The following LRGUK variants were observed in gnomAD, a reference collection of about 807,000 sequenced individuals.
LRGUK encodes the protein leucine-rich repeat and guanylate kinase domain-containing protein.
Under a neutral mutation model 76.0 loss-of-function variants are expected in LRGUK, and 65 were observed. The observed-to-expected ratio is 0.85, with a 90% CI of 0.70 to 1.05. The LOEUF (loss-of-function observed/expected upper bound fraction) is 1.05, where lower values mean the gene tolerates loss of function less well. Ranked by LOEUF, LRGUK falls within the 50% of genes least tolerant of loss-of-function variation. LRGUK has a pLI of 0.00. For missense variants in LRGUK, 758 were observed against 732.8 expected, an observed-to-expected ratio of 1.03 and a Z score of -0.40; for synonymous variants, 268 against 265.6, an observed-to-expected ratio of 1.01 and a Z score of -0.09.
intron 18 of LRGUK, among the ~76,000 whole-genome samples, chr7:134,249,916 G>A (rs1802403924): frequency 6.6e-6 from 1 of 152,132 alleles, no homozygotes; most frequent in African/African-American, 2.4e-5. Context: ...ATCTACTACG[G>A]GGTGCCTCTC....
chr7:134,153,222 T>C (rs976815882), intron 5 of LRGUK, among the ~76,000 whole-genome samples: 6 of 152,058 alleles, frequency 3.9e-5, no homozygotes, highest in African/African-American at 7.2e-5. Context: ...ATTAAAAAAA[T>C]CAGTTGAGCT....
At chr7:134,145,967 C>A (rs2116858525) in intron 4 of LRGUK, among the ~76,000 whole-genome samples, 1 of 152,252 alleles carries the variant, frequency 6.6e-6, no homozygotes, top group Non-Finnish European at 1.5e-5. Flanking sequence ...GGCACAAACC[C>A]CTTTAAGGTC....
intron 16 of LRGUK, among the ~76,000 whole-genome samples, chr7:134,223,665 C>T (rs1260346599): frequency 1.3e-5 from 2 of 152,168 alleles, no homozygotes; most frequent in Admixed American, 1.3e-4. Flanking sequence ...GGGCCTCTAG[C>T]CTCATAACCA....
At chr7:134,244,031 C>T (rs1802231919) in intron 16 of LRGUK, among the ~76,000 whole-genome samples, 3 of 152,120 alleles carry the variant, frequency 2.0e-5, no homozygotes, top group Non-Finnish European at 4.4e-5. Flanking sequence ...CTCTTCCTTA[C>T]ACCTTATACA....
downstream of LRGUK, among the ~76,000 whole-genome samples, chr7:134,213,130 G>A (rs1366905991): frequency 1.3e-5 from 2 of 152,202 alleles, no homozygotes; most frequent in African/African-American, 4.8e-5. Context: ...ATCTTCTAAG[G>A]ACCCGAATGC....
At chr7:134,136,323 C>T (rs1229592108) in intron 1 of LRGUK, among the ~76,000 whole-genome samples, 3 of 152,164 alleles carry the variant, frequency 2.0e-5, no homozygotes, top group Non-Finnish European at 4.4e-5. Flanking sequence ...ATGATCATCA[C>T]CTTTTTAAAA....
chr7:134,230,004 C>T (rs941026358), intron 16 of LRGUK, among the ~76,000 whole-genome samples: 1 of 151,878 alleles, frequency 6.6e-6, no homozygotes, highest in African/African-American at 2.4e-5. Flanking sequence ...ACACAAAAAG[C>T]ATTCATTATG....
intron 16 of LRGUK, among the ~76,000 whole-genome samples, chr7:134,234,727 C>T (rs1388039667): frequency 1.3e-5 from 2 of 152,024 alleles, no homozygotes; most frequent in African/African-American, 4.8e-5. Context: ...TCTGAGGGCT[C>T]AGTTCTTTGT....
At chr7:134,166,246 T>C in intron 7 of LRGUK, among the ~76,000 whole-genome samples, 1 of 152,176 alleles carries the variant, frequency 6.6e-6, no homozygotes, top group South Asian at 2.1e-4. Context: ...GTACTTGGTT[T>C]TAGCAATTGA....
chr7:134,144,227 C>T (rs991497271), intron 4 of LRGUK, among the ~76,000 whole-genome samples: 1 of 152,220 alleles, frequency 6.6e-6, no homozygotes, highest in African/African-American at 2.4e-5. Flanking sequence ...CAACCTCCGA[C>T]TCCTGGGCTC....
At chr7:134,152,324 TGTG>T (rs1386240314) in intron 5 of LRGUK, among the ~76,000 whole-genome samples, 2 of 151,990 alleles carry the variant, frequency 1.3e-5, no homozygotes, top group Non-Finnish European at 2.9e-5. Flanking sequence ...GAATAAGACT[TGTG>T]GGGATAGGGG....
chr7:134,256,628 G>A (rs1305333137), intron 18 of LRGUK, among the ~76,000 whole-genome samples: 3 of 152,068 alleles, frequency 2.0e-5, no homozygotes, highest in Non-Finnish European at 4.4e-5. Context: ...ATGTCACAAC[G>A]GTCCCTCTGC....
At chr7:134,234,348 A>G (rs1483383731) in intron 16 of LRGUK, among the ~76,000 whole-genome samples, 1 of 151,942 alleles carries the variant, frequency 6.6e-6, no homozygotes, top group Non-Finnish European at 1.5e-5. Flanking sequence ...CCCAACATCT[A>G]GTGTGGTTGT....
intron 5 of LRGUK, among the ~76,000 whole-genome samples, chr7:134,150,001 C>T (rs1381020555): frequency 6.6e-6 from 1 of 152,152 alleles, no homozygotes; most frequent in Non-Finnish European, 1.5e-5. Flanking sequence ...CTAGGCCGGG[C>T]GTGGTGGCTT....
chr7:134,268,320 T>C (rs1802897975), downstream of LRGUK, among the ~76,000 whole-genome samples: 1 of 152,066 alleles, frequency 6.6e-6, no homozygotes, highest in Non-Finnish European at 1.5e-5. Context: ...ATCAAAAAGA[T>C]AATAAGGAAA....
exon 14 of LRGUK, chr7:134,199,396 A>G: frequency 3.7e-6 from 6 of 1,613,604 alleles, no homozygotes; most frequent in Non-Finnish European, 4.2e-6. Context: ...ATTTTCCGGG[A>G]TATTTTGATG....
At chr7:134,190,475 A>G (rs1286861107) in intron 11 of LRGUK, among the ~76,000 whole-genome samples, 3 of 152,190 alleles carry the variant, frequency 2.0e-5, no homozygotes, top group Admixed American at 2.0e-4. Flanking sequence ...CCCAAAGTAC[A>G]GGGATTGCAG....
At chr7:134,181,598 G>T (rs540095211) in intron 10 of LRGUK, among the ~76,000 whole-genome samples, 11 of 151,500 alleles carry the variant, frequency 7.3e-5, no homozygotes, top group African/African-American at 2.7e-4. Flanking sequence ...TGTTCCTTTG[G>T]TTTTCATCTT....
At chr7:134,144,685 A>G (rs750321550) in intron 4 of LRGUK, among the ~76,000 whole-genome samples, 19 of 152,218 alleles carry the variant, frequency 1.2e-4, no homozygotes, top group Non-Finnish European at 2.6e-4. Flanking sequence ...TTTGAAATCA[A>G]GAAACAGACA....
Sources: allele counts gnomAD v4.1 joint callset (sites outside exome capture counted in the v4.1 genomes callset), GRCh38; gene constraint gnomAD v4.1.1; transcripts MANE v1.5; gene names NCBI Gene and HGNC (gene_info 2026-07-23, HGNC 2026-07-21).